GABRA3: variants seen among roughly 807,000 people sequenced by gnomAD.
The protein encoded by GABRA3 is gamma-aminobutyric acid receptor subunit alpha-3.
Under a neutral mutation model 30.1 loss-of-function variants are expected in GABRA3, and 10 were observed. The ratio of observed to expected loss-of-function variants is 0.33; its 90% CI spans 0.20 to 0.56. The LOEUF (loss-of-function observed/expected upper bound fraction) is 0.56, where lower values mean the gene tolerates loss of function less well. GABRA3 is among the 20% of genes least tolerant of loss of function. The pLI is 0.89. For missense variants in GABRA3, 233 were observed against 392.0 expected (o/e 0.59, Z 3.42); for synonymous variants, 151 against 146.8 (o/e 1.03, Z -0.21).
chrX:152,395,889 A>G (rs1458562566), intron 1 of GABRA3, among the ~76,000 whole-genome samples: 1 of 112,230 alleles, frequency 8.9e-6, no homozygotes, highest in East Asian at 2.8e-4. Flanking sequence ...ACTAAGCTGT[A>G]GTGCTTCCTC....
At chrX:152,315,023 C>T (rs1939852440) in intron 3 of GABRA3, among the ~76,000 whole-genome samples, 1 of 111,120 alleles carries the variant, frequency 9.0e-6, no homozygotes, top group African/African-American at 3.3e-5. Context: ...AGTTCCCACT[C>T]GGGCAGACAG....
intron 7 of GABRA3, among the ~76,000 whole-genome samples, chrX:152,203,116 G>A (rs1467768831): frequency 8.9e-6 from 1 of 111,822 alleles, no homozygotes; most frequent in African/African-American, 3.3e-5. Context: ...CACAGACCTG[G>A]AGGCTGCAGG....
Position 152,240,794 on chromosome X carries a change from T to C in GABRA3, c.551+14984A>G, listed in dbSNP as rs868010222. Among the ~76,000 whole-genome samples the C allele has an allele frequency of 2.8e-3, 278 of 99,162 alleles. 1 individual carries two copies. The highest frequency in any genetic ancestry group is 9.8e-3 in the African/African-American group (244 of 24,910). 86.1% of individuals were successfully genotyped at this position (99,162 alleles called of 115,157 possible). ...TCTTCCAGTTGATCGCATCGGCTCC[T>C]GAGGCTTCTGCATTCTTCACGTAGT... On this transcript the variant is annotated intron_variant, in intron 5 of 9. Transcript: ENST00000370314.
intron 5 of GABRA3, among the ~76,000 whole-genome samples, chrX:152,232,623 T>TTGTG (rs201621383): frequency 9.4e-6 from 1 of 106,260 alleles, no homozygotes; most frequent in Non-Finnish European, 1.9e-5. Flanking sequence ...TAGTGTTCTA[T>TTGTG]TGTGTGTGTG....
chrX:152,233,164 T>G (rs982162978), intron 5 of GABRA3, among the ~76,000 whole-genome samples: 10 of 110,442 alleles, frequency 9.1e-5, no homozygotes, highest in Non-Finnish European at 1.9e-4. Flanking sequence ...TTGTTTTTTT[T>G]TTCTTGTACA....
At chrX:152,296,374 T>C (rs369284780) in intron 3 of GABRA3, among the ~76,000 whole-genome samples, 4 of 112,124 alleles carry the variant, frequency 3.6e-5, no homozygotes, top group African/African-American at 1.3e-4. Context: ...TTGGCAATAT[T>C]TGGGGACTAA....
intron 4 of GABRA3, among the ~76,000 whole-genome samples, chrX:152,275,162 ATATATAATTTATATATAT>A (rs1306017937): frequency 1.3e-5 from 1 of 79,880 alleles, no homozygotes; most frequent in African/African-American, 4.7e-5. Context: ...TTAATATTAT[ATATATAATTTATATATAT>A]TTAATATTAT....
At chrX:152,178,249 T>TATGTGTGTGTGTGTGTGC in intron 9 of GABRA3, among the ~76,000 whole-genome samples, 1 of 90,401 alleles carries the variant, frequency 1.1e-5, no homozygotes, top group South Asian at 5.3e-4. Context: ...TGTGTGCGTC[T>TATGTGTGTGTGTGTGTGC]ATGTGTGTGT....
intron 3 of GABRA3, among the ~76,000 whole-genome samples, chrX:152,303,812 G>A (rs1010271167): frequency 3.7e-5 from 4 of 109,588 alleles, no homozygotes; most frequent in African/African-American, 1.3e-4. Flanking sequence ...GGCCTGTCAG[G>A]GGGTGGGGGC....
intron 1 of GABRA3, among the ~76,000 whole-genome samples, chrX:152,423,163 A>G (rs1355841174): frequency 8.9e-6 from 1 of 112,168 alleles, no homozygotes; most frequent in East Asian, 2.8e-4. Flanking sequence ...TTTGTGTGTC[A>G]TGATGTGTAT....
intron 9 of GABRA3, among the ~76,000 whole-genome samples, chrX:152,188,660 AT>A (rs1937286152): frequency 8.9e-6 from 1 of 112,273 alleles, no homozygotes; most frequent in South Asian, 3.7e-4. Flanking sequence ...TTATCTCTTC[AT>A]AATTTATAGC....
intron 1 of GABRA3, among the ~76,000 whole-genome samples, chrX:152,418,786 A>G (rs112418440): frequency 0.022 from 2,469 of 111,820 alleles, 33 homozygotes; most frequent in South Asian, 0.057. Flanking sequence ...CCATCCCATT[A>G]CTGGGTATAT....
At chrX:152,286,269 G>A (rs1034101362) in intron 3 of GABRA3, among the ~76,000 whole-genome samples, 3 of 106,711 alleles carry the variant, frequency 2.8e-5, no homozygotes, top group Admixed American at 1.0e-4. Context: ...GCTTCTGTCA[G>A]CCCTACTTAC....
intron 6 of GABRA3, among the ~76,000 whole-genome samples, chrX:152,223,422 C>T (rs527897475): frequency 9.0e-6 from 1 of 111,289 alleles, no homozygotes; most frequent in South Asian, 3.8e-4. Flanking sequence ...TAATGCCATT[C>T]TTTTGTCTAA....
chrX:152,354,408 T>C (rs1235316242), intron 2 of GABRA3, among the ~76,000 whole-genome samples: 1 of 111,837 alleles, frequency 8.9e-6, no homozygotes, highest in Non-Finnish European at 1.9e-5. Flanking sequence ...TCTATGAATA[T>C]AAAGTTTAAA....
intron 3 of GABRA3, among the ~76,000 whole-genome samples, chrX:152,311,158 C>A (rs998674659): frequency 7.2e-5 from 8 of 111,424 alleles, no homozygotes; most frequent in African/African-American, 2.6e-4. Context: ...AACAATCCTA[C>A]CATCTATTCC....
chrX:152,274,881 C>A (rs1052893518), intron 4 of GABRA3, among the ~76,000 whole-genome samples: 1 of 106,346 alleles, frequency 9.4e-6, no homozygotes, highest in Non-Finnish European at 1.9e-5. Flanking sequence ...ACTTTGAAAA[C>A]ACTAATGATA....
Position 152,267,015 on chromosome X carries a change from T to G in GABRA3, c.331-11017A>C, listed in dbSNP as rs760135504. ...AAGATGCAAAAAGGAATGGTGAGCATAAGTATTGACACAGTTATCCTAAAC... is the reference window on the plus strand; with the variant it reads ...AAGATGCAAAAAGGAATGGTGAGCAGAAGTATTGACACAGTTATCCTAAAC... On this transcript the variant is annotated intron_variant, in intron 4 of 9. Transcript: ENST00000370314. Among the ~76,000 whole-genome samples, 13 of 112,267 alleles carry G rather than the reference T, an allele frequency of 1.2e-4. 1 individual carries two copies. In the Admixed American group the frequency reaches 1.2e-3, roughly 11 times the overall value.
chrX:152,432,086 T>A (rs949588595), intron 1 of GABRA3, among the ~76,000 whole-genome samples: 20 of 111,495 alleles, frequency 1.8e-4, no homozygotes, highest in African/African-American at 6.5e-4. Context: ...AAACAAAAAA[T>A]TAAATCGAAG....
Sources: allele counts gnomAD v4.1 joint callset (sites outside exome capture counted in the v4.1 genomes callset), GRCh38; gene constraint gnomAD v4.1.1; transcripts MANE v1.5; gene names NCBI Gene and HGNC (gene_info 2026-07-23, HGNC 2026-07-21).